The following EDN1 variants were observed in gnomAD, a reference collection of about 807,000 sequenced individuals.
EDN1 encodes endothelin-1.
Under a neutral mutation model 21.7 loss-of-function variants are expected in EDN1, and 11 were observed. That is an observed-to-expected ratio of 0.51 (90% CI 0.32 to 0.84). The LOEUF (loss-of-function observed/expected upper bound fraction) is 0.84. EDN1 is among the 40% of genes least tolerant of loss of function. The probability of loss-of-function intolerance (pLI) is 0.03; values close to 1 mark genes in which losing one functional copy is unlikely to be tolerated. For synonymous variants in EDN1, 85 were observed against 90.6 expected (o/e 0.94, Z 0.35); for missense variants, 244 against 262.3 (o/e 0.93, Z 0.48).
At chr6:12,295,464 T>C (rs1762799545) in intron 4 of EDN1, among the ~76,000 whole-genome samples, 1 of 152,110 alleles carries the variant, frequency 6.6e-6, no homozygotes, top group South Asian at 2.1e-4. Flanking sequence ...GTATTTCTCC[T>C]GTAAAACATT....
chr6:12,231,619 A>G, the EDN1 span, among the ~76,000 whole-genome samples: 1 of 152,194 alleles, frequency 6.6e-6, no homozygotes, highest in Non-Finnish European at 1.5e-5. Context: ...AAGCAAACAC[A>G]TGGTTGTCTG....
At chr6:12,265,566 A>C in the EDN1 span, among the ~76,000 whole-genome samples, 1 of 152,162 alleles carries the variant, frequency 6.6e-6, no homozygotes, top group East Asian at 1.9e-4. Context: ...AAGGAAGGAG[A>C]CTTCAGAAAA....
At chr6:12,234,273 C>T in the EDN1 span, among the ~76,000 whole-genome samples, 1 of 152,330 alleles carries the variant, frequency 6.6e-6, no homozygotes, top group South Asian at 2.1e-4. Context: ...GAGCCAGGAT[C>T]TGAAAACTGA....
At chr6:12,290,749 C>A in intron 1 of EDN1, 56 bp downstream of exon 1, 3 of 1,437,390 alleles carry the variant, frequency 2.1e-6, no homozygotes, top group Non-Finnish European at 2.9e-6. Flanking sequence ...GTGTTCTTAT[C>A]CACCTTCATG....
the EDN1 span, among the ~76,000 whole-genome samples, chr6:12,250,262 C>CT: frequency 6.6e-6 from 1 of 151,822 alleles, no homozygotes; most frequent in African/African-American, 2.4e-5. Flanking sequence ...AAAAGATGCA[C>CT]TTTTTTGTAT....
the EDN1 span, among the ~76,000 whole-genome samples, chr6:12,239,007 C>A: frequency 6.6e-6 from 1 of 152,214 alleles, no homozygotes. Context: ...AAAATTCCAA[C>A]TTATAGCAAC....
the EDN1 span, among the ~76,000 whole-genome samples, chr6:12,260,449 T>C: frequency 6.6e-6 from 1 of 152,202 alleles, no homozygotes; most frequent in Non-Finnish European, 1.5e-5. Context: ...TTTACCTTCA[T>C]GTCTGTGAGT....
chr6:12,290,584 T>C lies in EDN1; in HGVS notation c.-46T>C. 1.9e-6 allele frequency: 3 copies of C among 1,554,634 alleles called. No homozygotes were observed. The highest frequency in any genetic ancestry group is 2.7e-6 in the Non-Finnish European group (3 of 1,126,072). On this transcript the variant is annotated 5_prime_UTR_variant, in exon 1 of 5. Coordinates refer to ENST00000379375, the MANE Select transcript of EDN1 (RefSeq NM_001955.5). Reference sequence around the variant, plus strand: ...CTGAAGCTGTTTTTCTTCGTTTTCCTTTGGGTTCAGTTTGAACGGGAGGTT... The same window carrying C: ...CTGAAGCTGTTTTTCTTCGTTTTCCCTTGGGTTCAGTTTGAACGGGAGGTT...
the EDN1 span, among the ~76,000 whole-genome samples, chr6:12,281,727 T>C: frequency 2.6e-5 from 4 of 152,240 alleles, no homozygotes; most frequent in African/African-American, 9.6e-5. Flanking sequence ...TATGTTCTAT[T>C]TTTCTGATAT....
chr6:12,296,484 G>T lies in EDN1; in HGVS notation c.*417G>T, dbSNP rs989033958. 4 of 161,506 alleles carry T rather than the reference G, an allele frequency of 2.5e-5. No homozygotes were observed. Among genetic ancestry groups the T allele is most frequent in the African/African-American group, 9.6e-5 (4 of 41,638 alleles). The allele number at this position is 161,506 out of a possible 1,614,324, so 10.0% of individuals were successfully genotyped here. A position where few individuals can be genotyped will look rare whatever the true frequency, so the allele number is the denominator to read the frequency against. On this transcript the variant is annotated 3_prime_UTR_variant, in exon 5 of 5. Transcript: ENST00000379375. ...GGAGAAACTCCAAAGTCCACACAAA[G>T]ATTTTCTAAGGAATGCACAAATTGA... is the stretch of plus-strand genomic sequence containing the variant.
the EDN1 span, among the ~76,000 whole-genome samples, chr6:12,253,815 G>C: frequency 2.6e-5 from 4 of 152,178 alleles, no homozygotes; most frequent in Middle Eastern, 3.4e-3. Flanking sequence ...CCAAAGCCAG[G>C]CCAAAAACCT....
intron 2 of EDN1, among the ~76,000 whole-genome samples, chr6:12,293,393 T>G (rs925523719): frequency 1.3e-5 from 2 of 152,090 alleles, no homozygotes; most frequent in African/African-American, 4.8e-5. Context: ...TCCACAACCA[T>G]ATGGTACCAC....
chr6:12,265,069 G>A, the EDN1 span, among the ~76,000 whole-genome samples: 3 of 152,328 alleles, frequency 2.0e-5, no homozygotes, highest in African/African-American at 7.2e-5. Flanking sequence ...AAGGATTGCA[G>A]AGTCAGAGAT....
chr6:12,260,226 T>C, the EDN1 span, among the ~76,000 whole-genome samples: 1 of 152,060 alleles, frequency 6.6e-6, no homozygotes, highest in African/African-American at 2.4e-5. Flanking sequence ...AGATTTATGA[T>C]AATAATACTT....
chr6:12,268,984 A>G, the EDN1 span, among the ~76,000 whole-genome samples: 1 of 152,042 alleles, frequency 6.6e-6, no homozygotes, highest in African/African-American at 2.4e-5. Context: ...CTTTCCATTT[A>G]TTTGTGTCCT....
the EDN1 span, among the ~76,000 whole-genome samples, chr6:12,272,978 C>A: frequency 6.6e-6 from 1 of 152,222 alleles, no homozygotes; most frequent in Non-Finnish European, 1.5e-5. Flanking sequence ...ACTGCTGTCA[C>A]TGATCTAATG....
the EDN1 span, among the ~76,000 whole-genome samples, chr6:12,232,954 CA>C: frequency 6.6e-6 from 1 of 152,040 alleles, no homozygotes; most frequent in Non-Finnish European, 1.5e-5. Context: ...ATTAAAAGGT[CA>C]AAAAATTTGG....
the EDN1 span, among the ~76,000 whole-genome samples, chr6:12,261,935 G>C: frequency 6.6e-6 from 1 of 152,182 alleles, no homozygotes; most frequent in Non-Finnish European, 1.5e-5. Flanking sequence ...TAGTCCCTTA[G>C]ATAACTAGGG....
the EDN1 span, among the ~76,000 whole-genome samples, chr6:12,260,781 G>A: frequency 6.6e-6 from 1 of 151,764 alleles, no homozygotes; most frequent in African/African-American, 2.4e-5. Flanking sequence ...ATTATATCAG[G>A]TGTGTTAGCA....
Sources: allele counts gnomAD v4.1 joint callset (sites outside exome capture counted in the v4.1 genomes callset), GRCh38; gene constraint gnomAD v4.1.1; transcripts MANE v1.5; gene names NCBI Gene and HGNC (gene_info 2026-07-23, HGNC 2026-07-21).